The following NKAIN3 variants were observed in gnomAD, a reference collection of about 807,000 sequenced individuals.
NKAIN3 encodes sodium/potassium transporting ATPase interacting 3, also known as sodium/potassium-transporting ATPase subunit beta-1-interacting protein 3.
A neutral mutation model predicts 30.2 loss-of-function variants in NKAIN3; 25 were observed. That is an observed-to-expected ratio of 0.83 (90% confidence interval 0.60 to 1.16). NKAIN3 has a LOEUF of 1.16. Among genes scored for constraint, NKAIN3 ranks in the 50% most tolerant of loss-of-function variants. The probability of loss-of-function intolerance (pLI) is 0.00; values close to 1 mark genes in which losing one functional copy is unlikely to be tolerated. For synonymous variants in NKAIN3, 91 were observed against 89.6 expected, an observed-to-expected ratio of 1.02 and a Z score of -0.09; for missense variants, 225 against 254.1, an observed-to-expected ratio of 0.89 and a Z score of 0.78.
At chr8:62,678,102 GTTATT>G (rs775202068) in intron 3 of NKAIN3, among the ~76,000 whole-genome samples, 1 of 152,194 alleles carries the variant, frequency 6.6e-6, no homozygotes, top group Non-Finnish European at 1.5e-5. Flanking sequence ...CTGTGAATAT[GTTATT>G]TTGAGTGGCT....
intron 1 of NKAIN3, among the ~76,000 whole-genome samples, chr8:62,407,374 T>C (rs1331218260): frequency 6.6e-6 from 1 of 151,176 alleles, no homozygotes; most frequent in East Asian, 1.9e-4. Flanking sequence ...TTGCATTGAA[T>C]TTATTATCTG....
chr8:62,801,371 A>T (rs200992357), intron 4 of NKAIN3, among the ~76,000 whole-genome samples: 1 of 151,852 alleles, frequency 6.6e-6, no homozygotes, highest in African/African-American at 2.4e-5. Flanking sequence ...GCACCCCCCG[A>T]TAGGGGCAGA....
intron 3 of NKAIN3, among the ~76,000 whole-genome samples, chr8:62,706,116 G>A (rs766671440): frequency 2.0e-5 from 3 of 152,154 alleles, no homozygotes; most frequent in Non-Finnish European, 4.4e-5. Flanking sequence ...AATTACCCAG[G>A]AAAGACTTCT....
chr8:62,515,139 C>T (rs1807945141), intron 1 of NKAIN3, among the ~76,000 whole-genome samples: 1 of 152,052 alleles, frequency 6.6e-6, no homozygotes, highest in Non-Finnish European at 1.5e-5. Flanking sequence ...TATGTTTTCA[C>T]AAAAACAAAA....
At position 62,258,827 on chromosome 8, in the gene NKAIN3, T is replaced by C. The variant is rs548065433; in HGVS notation, c.54+9700T>C. ...AGAGAGACATAGACCTTCCCTTTTT[T>C]CCAAGGCCCCAGTATCTGGATGAAA... On this transcript the variant is annotated intron_variant, in intron 1 of 6. Coordinates refer to ENST00000623646, the MANE Select transcript of NKAIN3 (RefSeq NM_001304533.3). Among the ~76,000 whole-genome samples, 13 of 152,256 alleles carry C rather than the reference T, an allele frequency of 8.5e-5. No homozygotes were observed. In the South Asian group the frequency reaches 2.5e-3, roughly 29 times the overall value.
At chr8:62,843,226 G>C (rs1320293689) in intron 4 of NKAIN3, among the ~76,000 whole-genome samples, 1 of 151,928 alleles carries the variant, frequency 6.6e-6, no homozygotes, top group African/African-American at 2.4e-5. Flanking sequence ...CACAGATTAA[G>C]CTGGAAAAGG....
chr8:62,876,051 T>C (rs533946815), intron 4 of NKAIN3, among the ~76,000 whole-genome samples: 57 of 152,200 alleles, frequency 3.7e-4, no homozygotes, highest in African/African-American at 1.3e-3. Flanking sequence ...ACCTACAGAT[T>C]GGGAGAAAAT....
intron 1 of NKAIN3, among the ~76,000 whole-genome samples, chr8:62,544,986 G>C (rs941758559): frequency 6.6e-6 from 1 of 152,092 alleles, no homozygotes; most frequent in Non-Finnish European, 1.5e-5. Flanking sequence ...TTACTAAGTG[G>C]AAGTGAATCA....
chr8:62,354,504 C>T (rs7813274), intron 1 of NKAIN3, among the ~76,000 whole-genome samples: 146,335 of 152,234 alleles, frequency 0.96, 70,440 homozygotes, highest in East Asian at 1. Flanking sequence ...AGTGCAGTGG[C>T]GCGATCTCGG....
chr8:62,743,920 T>G (rs1815988257), intron 3 of NKAIN3, among the ~76,000 whole-genome samples: 1 of 152,180 alleles, frequency 6.6e-6, no homozygotes, highest in African/African-American at 2.4e-5. Context: ...TATGTCTACC[T>G]TTAGACAAGG....
chr8:62,898,353 T>A (rs1295732736), intron 4 of NKAIN3, among the ~76,000 whole-genome samples: 1 of 152,112 alleles, frequency 6.6e-6, no homozygotes, highest in Non-Finnish European at 1.5e-5. Flanking sequence ...GAAAATTAGG[T>A]ATATTCGCAC....
At chr8:62,800,636 C>T (rs1449516722) in intron 4 of NKAIN3, among the ~76,000 whole-genome samples, 2 of 152,124 alleles carry the variant, frequency 1.3e-5, no homozygotes, top group Non-Finnish European at 2.9e-5. Flanking sequence ...TCAGTGGCAG[C>T]CAAGATGGCC....
At chr8:62,719,734 TAC>T (rs1200598016) in intron 3 of NKAIN3, among the ~76,000 whole-genome samples, 2 of 150,030 alleles carry the variant, frequency 1.3e-5, no homozygotes, top group Non-Finnish European at 3.0e-5. Context: ...ATCTTCTGCA[TAC>T]ATTTATACAT....
intron 1 of NKAIN3, among the ~76,000 whole-genome samples, chr8:62,370,838 G>A (rs1816885014): frequency 1.3e-5 from 2 of 151,870 alleles, no homozygotes; most frequent in Non-Finnish European, 2.9e-5. Flanking sequence ...AATGCAGCAG[G>A]AATTCTACAA....
rs1337990520 is a variant in NKAIN3, at chr8:62,979,081, C to T, written c.*13674C>T. On this transcript the variant is annotated 3_prime_UTR_variant, in exon 7 of 7. Transcript: ENST00000623646. ...CAGTCCCAGTGAGATGAACCGAGTA[C>T]CTCAGTTGGAAATGCAGAAATCACC... is the stretch of plus-strand genomic sequence containing the variant. 1.3e-5 allele frequency: 2 copies of T among 152,316 alleles called. No individual in the cohort carries two copies. The highest frequency in any genetic ancestry group is 2.9e-5 in the Non-Finnish European group (2 of 68,108). 9.4% of individuals were successfully genotyped at this position (152,316 alleles called of 1,614,324 possible). A position where few individuals can be genotyped will look rare whatever the true frequency, so the allele number is the denominator to read the frequency against.
At chr8:62,531,789 G>T (rs1164504294) in intron 1 of NKAIN3, among the ~76,000 whole-genome samples, 1 of 152,154 alleles carries the variant, frequency 6.6e-6, no homozygotes, top group Non-Finnish European at 1.5e-5. Flanking sequence ...GAAATCACTG[G>T]ATTATCTGTA....
chr8:62,948,961 T>G (rs1823204111), intron 5 of NKAIN3, among the ~76,000 whole-genome samples: 1 of 152,216 alleles, frequency 6.6e-6, no homozygotes, highest in Non-Finnish European at 1.5e-5. Flanking sequence ...CAAGTATCTA[T>G]TCTGGATTTA....
intron 3 of NKAIN3, among the ~76,000 whole-genome samples, chr8:62,704,506 A>C (rs1814452716): frequency 6.6e-6 from 1 of 152,110 alleles, no homozygotes; most frequent in African/African-American, 2.4e-5. Context: ...GCTTTACTCA[A>C]ACGTCTAACA....
chr8:62,977,310 C>T lies in NKAIN3; in HGVS notation c.*11903C>T, dbSNP rs1343930013. 6.6e-6 allele frequency among the ~76,000 whole-genome samples: 1 copy of T among 152,124 alleles called. No homozygotes were observed. The highest frequency in any genetic ancestry group is 2.4e-5 in the African/African-American group (1 of 41,428). On this transcript the variant is annotated 3_prime_UTR_variant, in exon 7 of 7. Coordinates refer to ENST00000623646, the MANE Select transcript of NKAIN3 (RefSeq NM_001304533.3). Reference sequence around the variant, plus strand: ...TGCTTTCCAACTTGATTCCATTCTCCCCATCACTTTTAGGTACACCAATCA... The same window carrying T: ...TGCTTTCCAACTTGATTCCATTCTCTCCATCACTTTTAGGTACACCAATCA...
Sources: gnomAD v4.1 joint callset for allele counts (sites outside exome capture counted in the v4.1 genomes callset) on GRCh38, gnomAD v4.1.1 for gene constraint, MANE v1.5 for transcripts, NCBI Gene and HGNC (gene_info 2026-07-23, HGNC 2026-07-21) for gene names.